The following PPP2R3B variants were observed in gnomAD, a reference collection of about 807,000 sequenced individuals.
PPP2R3B encodes serine/threonine-protein phosphatase 2A regulatory subunit B'' subunit beta.
PPP2R3B carries 68 observed loss-of-function variants against 72.9 expected under a neutral mutation model. The ratio of observed to expected loss-of-function variants is 0.93; its 90% CI spans 0.77 to 1.14. The LOEUF (loss-of-function observed/expected upper bound fraction) is 1.14, where lower values mean the gene tolerates loss of function less well. Among genes scored for constraint, PPP2R3B ranks in the 50% most tolerant of loss-of-function variants. The probability of loss-of-function intolerance (pLI) is 0.00; values close to 1 mark genes in which losing one functional copy is unlikely to be tolerated. For synonymous variants in PPP2R3B, 466 were observed against 375.8 expected, an observed-to-expected ratio of 1.24 and a Z score of -2.78; for missense variants, 1,018 against 842.0, an observed-to-expected ratio of 1.21 and a Z score of -2.59.
rs757364800 is a variant in PPP2R3B at position 338,561 on chromosome X, TCCCACTGACCCGTCC to T, written c.1577+28_1577+42del. On this transcript the variant is annotated intron_variant, in intron 12 of 12. Coordinates refer to ENST00000390665, the MANE Select transcript of PPP2R3B (RefSeq NM_013239.5). ...ACCCGTCCTCCCCACTCACCCGTCC[TCCCACTGACCCGTCC>T]CCCCACTCACCCGTCCTCCCCACTC... is the stretch of plus-strand genomic sequence containing the variant. 238 of 1,305,138 alleles carry T rather than the reference TCCCACTGACCCGTCC, an allele frequency of 1.8e-4. 1 individual carries two copies. In the East Asian group the frequency reaches 2.2e-3, roughly 12 times the overall value. 80.8% of individuals were successfully genotyped at this position (1,305,138 alleles called of 1,614,324 possible). A position where few individuals can be genotyped will look rare whatever the true frequency, so the allele number is the denominator to read the frequency against.
intron 10 of PPP2R3B, 96 bp downstream of exon 10, chrX:340,669 C>A (rs1460574045): frequency 2.1e-6 from 3 of 1,397,886 alleles, no homozygotes; most frequent in East Asian, 5.3e-5. Flanking sequence ...GTCCCCTCTC[C>A]CTGGGCCGTC....
Position 341,862 on chromosome X carries a change from AG to A in PPP2R3B, c.1085+20del. 1 of 1,611,836 alleles carries A rather than the reference AG, an allele frequency of 6.2e-7. No homozygotes were observed. The highest frequency in any genetic ancestry group is 8.5e-7 in the Non-Finnish European group (1 of 1,179,042). On this transcript the variant is annotated intron_variant, in intron 8 of 12. Coordinates refer to ENST00000390665, the MANE Select transcript of PPP2R3B (RefSeq NM_013239.5). ...CCTCGCAGGGGCAATGGCTGCCGTC[AG>A]GCGCCTGAGCCGTACGTACCGTGTG...
intron 2 of PPP2R3B, among the ~76,000 whole-genome samples, chrX:358,838 C>G (rs2071486643): frequency 6.8e-6 from 1 of 148,000 alleles, no homozygotes; most frequent in African/African-American, 2.5e-5. Context: ...GGGGAGGCGC[C>G]GTTGGGGAGA....
Position 338,761 on chromosome X carries a change from G to T in PPP2R3B, c.1470+17C>A, listed in dbSNP as rs371339059. On this transcript the variant is annotated intron_variant, in intron 11 of 12. Transcript: ENST00000390665. ...CACGGCGTGGCGCGGCCCGGCCCGC[G>T]TGCCCGCCGCACTCACCCTGAGCAG... 2 of 1,611,962 alleles carry T rather than the reference G, an allele frequency of 1.2e-6. No individual in the cohort carries two copies. Among genetic ancestry groups the T allele is most frequent in the East Asian group, 4.5e-5 (2 of 44,862 alleles).
chrX:346,907 A>C, intron 4 of PPP2R3B, 132 bp from the exon 5 acceptor site: 1 of 867,506 alleles, frequency 1.2e-6, no homozygotes, highest in Admixed American at 2.3e-5. Context: ...CCCTCCCGTG[A>C]GGGATGAGGC....
intron 1 of PPP2R3B, among the ~76,000 whole-genome samples, chrX:369,574 C>A (rs1382134985): frequency 6.6e-6 from 1 of 152,232 alleles, no homozygotes; most frequent in Non-Finnish European, 1.5e-5. Context: ...GAAGTGCGTG[C>A]GCTTGATGGG....
intron 10 of PPP2R3B, 35 bp from the exon 11 acceptor site, chrX:338,931 C>G: frequency 1.3e-6 from 2 of 1,570,822 alleles, no homozygotes; most frequent in Non-Finnish European, 1.8e-6. Context: ...GGCGCGTGAG[C>G]CCGGTCTCAC....
At chrX:341,020 C>T (rs1036709388) in intron 9 of PPP2R3B, 80 bp from the exon 10 acceptor site, 83 of 1,532,768 alleles carry the variant, frequency 5.4e-5, no homozygotes, top group African/African-American at 4.2e-4. Flanking sequence ...CAGCCCCCAC[C>T]GGGGGTGCAC....
chrX:351,961 C>T (rs1197387257), intron 2 of PPP2R3B, among the ~76,000 whole-genome samples: 1 of 152,188 alleles, frequency 6.6e-6, no homozygotes, highest in Non-Finnish European at 1.5e-5. Flanking sequence ...TCTCAAAGTG[C>T]TGGGACTACA....
Position 340,883 on chromosome X carries a change from G to A in PPP2R3B, c.1233C>T (p.Phe411=), listed in dbSNP as rs746047093. The A allele has an allele frequency of 1.1e-5, 17 of 1,611,924 alleles. No homozygotes were observed. Among genetic ancestry groups the A allele is most frequent in the Middle Eastern group, 1.7e-4 (1 of 5,856 alleles). Residue 411 remains phenylalanine, a synonymous_variant, in exon 10 of 13, where the codon TTC becomes TTT. Transcript: ENST00000390665. ...GCTCCTCGTAGAAGTACTCGAGCTC[G>A]AACATGGACAGGGCGCCGTCCCCGT... The part of the protein sequence containing the change: ...DLDGDGALSM[F]ELEYFYEEQC...
At position 366,952 on chromosome X, in the gene PPP2R3B, C is replaced by T. The variant is rs752088863; in HGVS notation, c.325-5362G>A. On this transcript the variant is annotated intron_variant, in intron 1 of 12. Transcript: ENST00000390665. ...CTGAGGCAGGAGAATCGCTTAAACC[C>T]GGGAGGCGGAGGGTGCGGTGAGCTG... 3.0e-3 allele frequency among the ~76,000 whole-genome samples: 457 copies of T among 151,860 alleles called. 10 individuals are homozygous for T. The highest frequency in any genetic ancestry group is 0.011 in the African/African-American group (440 of 41,104).
chrX:347,457 G>A (rs913039027), intron 3 of PPP2R3B, 121 bp from the exon 4 acceptor site: 66 of 1,339,052 alleles, frequency 4.9e-5, no homozygotes, highest in East Asian at 2.3e-4. Context: ...CACACACGAC[G>A]GCCAGGCCTG....
rs368785889 is a variant in PPP2R3B at position 338,678 on chromosome X, G to T, written c.1503C>A (p.Asp501Glu). The T allele has an allele frequency of 1.2e-6, 2 of 1,611,502 alleles. No individual in the cohort carries two copies. The highest frequency in any genetic ancestry group is 1.1e-5 in the South Asian group (1 of 91,042). ...DGDSGGPELSDWEKYAAEEYD... is the reference protein window; with the variant it reads ...DGDSGGPELSEWEKYAAEEYD... ...ACTCCTCGGCCGCGTACTTCTCCCA[G>T]TCCGAGAGCTCGGGGCCGCCGCTGT... The change falls in exon 12 of 13, where the codon GAC (aspartate) becomes GAA (glutamate). Residue 501 changes from aspartate to glutamate, a missense_variant. Asp to Glu is a conservative substitution (Grantham distance 45). Coordinates refer to ENST00000390665, the MANE Select transcript of PPP2R3B (RefSeq NM_013239.5).
rs202069698 is a variant in PPP2R3B at position 345,547 on chromosome X, G to A, written c.1005C>T (p.Asp335=). 3.1e-6 allele frequency: 5 copies of A among 1,613,004 alleles called. No individual in the cohort carries two copies. Among genetic ancestry groups the A allele is most frequent in the Admixed American group, 3.3e-5 (2 of 59,984 alleles). Reference sequence around the variant, plus strand: ...CATTGTGCCGCGCCAGGTCGTCCGCGTCGATGAGCAGGTCGTGGTCCGTGT... The same window carrying A: ...CATTGTGCCGCGCCAGGTCGTCCGCATCGATGAGCAGGTCGTGGTCCGTGT... The part of the protein sequence containing the change: ...ELDTDHDLLI[D]ADDLARHNDH... Residue 335 remains aspartate (D), a synonymous_variant, in exon 7 of 13, where the codon GAC becomes GAT. Transcript: ENST00000390665.
At chrX:376,482 G>A (rs2071998040) in intron 1 of PPP2R3B, among the ~76,000 whole-genome samples, 1 of 151,662 alleles carries the variant, frequency 6.6e-6, no homozygotes, top group South Asian at 2.1e-4. Flanking sequence ...GCCGTCCACA[G>A]TGGGGCCGCC....
chrX:350,637 G>A (rs190176329), intron 2 of PPP2R3B, among the ~76,000 whole-genome samples: 2,718 of 152,340 alleles, frequency 0.018, 102 homozygotes, highest in African/African-American at 0.062. Context: ...AGGGTTCACA[G>A]GGCATGGAGA....
At chrX:360,733 G>A (rs1192543958) in intron 2 of PPP2R3B, among the ~76,000 whole-genome samples, 1 of 152,188 alleles carries the variant, frequency 6.6e-6, no homozygotes, top group African/African-American at 2.4e-5. Flanking sequence ...GGAGGCTGGA[G>A]ATGCGGGCAC....
intron 2 of PPP2R3B, among the ~76,000 whole-genome samples, chrX:355,633 T>C (rs1019453040): frequency 6.6e-6 from 1 of 152,176 alleles, no homozygotes; most frequent in East Asian, 1.9e-4. Flanking sequence ...AACACCGTGC[T>C]GTATATGCCA....
rs777147301 is a variant in PPP2R3B, at chrX:386,872, G to T, written c.-181C>A. ...TCGCGGGGCGCGGGGACCGAGGAGG[G>T]GGCGCGGTCCGGCCCGCGCTGCTCA... is the stretch of plus-strand genomic sequence containing the variant. On this transcript the variant is annotated 5_prime_UTR_variant, in exon 1 of 13. Coordinates refer to ENST00000390665, the MANE Select transcript of PPP2R3B (RefSeq NM_013239.5). The T allele has an allele frequency of 4.5e-6, 1 of 219,880 alleles. No individual in the cohort carries two copies. Among genetic ancestry groups the T allele is most frequent in the Non-Finnish European group, 8.5e-6 (1 of 118,294 alleles). 13.6% of individuals were successfully genotyped at this position (219,880 alleles called of 1,614,324 possible).
Sources: allele counts gnomAD v4.1 joint callset (sites outside exome capture counted in the v4.1 genomes callset), GRCh38; gene constraint gnomAD v4.1.1; transcripts MANE v1.5; gene names NCBI Gene and HGNC (gene_info 2026-07-23, HGNC 2026-07-21).